Variants in SUGCT observed in about 807,000 individuals in gnomAD.
The protein encoded by SUGCT is succinyl-CoA:glutarate CoA-transferase.
A neutral mutation model predicts 55.0 loss-of-function variants in SUGCT; 41 were observed. The ratio of observed to expected loss-of-function variants is 0.74; its 90% CI spans 0.58 to 0.97. The LOEUF (loss-of-function observed/expected upper bound fraction) is 0.97. SUGCT is among the 50% of genes least tolerant of loss of function. The pLI is 0.00. For missense variants in SUGCT, 568 were observed against 547.8 expected (o/e 1.04, Z -0.37); for synonymous variants, 187 against 200.4 (o/e 0.93, Z 0.56).
chr7:40,155,417 A>G (rs1018012413), intron 1 of SUGCT, among the ~76,000 whole-genome samples: 7 of 152,066 alleles, frequency 4.6e-5, no homozygotes, highest in Non-Finnish European at 7.4e-5. Context: ...ATGTGAGCTT[A>G]TGGTGGCTGT....
chr7:40,938,382 TA>T, the SUGCT span, among the ~76,000 whole-genome samples: 1 of 152,176 alleles, frequency 6.6e-6, no homozygotes, highest in South Asian at 2.1e-4. Context: ...TTTGTTTTAT[TA>T]TTTTTTTGAG....
intron 13 of SUGCT, among the ~76,000 whole-genome samples, chr7:40,806,668 A>T (rs1458425157): frequency 6.6e-6 from 1 of 152,150 alleles, no homozygotes; most frequent in African/African-American, 2.4e-5. Context: ...TTGTATTCAG[A>T]GTGACTCTAC....
rs188187561 is a variant in SUGCT at position 40,481,588 on chromosome 7, T to C, written c.987-14696T>C. On this transcript the variant is annotated intron_variant, in intron 11 of 13. Transcript: ENST00000335693. ...TCTAACGTACTTAATATAAAAATCA[T>C]CTACACATTTATAAGAAAATAATAA... Among the ~76,000 whole-genome samples, 725 of 152,108 alleles carry C rather than the reference T, an allele frequency of 4.8e-3. 7 individuals are homozygous for C. Among genetic ancestry groups the C allele is most frequent in the African/African-American group, 0.016 (671 of 41,522 alleles).
At chr7:40,908,153 C>T in the SUGCT span, among the ~76,000 whole-genome samples, 1 of 151,688 alleles carries the variant, frequency 6.6e-6, no homozygotes, top group African/African-American at 2.4e-5. Flanking sequence ...CTGAGGCAGG[C>T]GGATCACGAG....
intron 7 of SUGCT, among the ~76,000 whole-genome samples, chr7:40,271,057 G>A (rs1315387672): frequency 6.6e-6 from 1 of 151,946 alleles, no homozygotes; most frequent in East Asian, 1.9e-4. Flanking sequence ...TTGCAATCTT[G>A]CTTAACTCGA....
At chr7:40,772,609 A>ATCTATCTATCTATCTATCTT (rs1789224111) in intron 13 of SUGCT, among the ~76,000 whole-genome samples, 1 of 149,576 alleles carries the variant, frequency 6.7e-6, no homozygotes, top group African/African-American at 2.5e-5. Flanking sequence ...CTATCTATCT[A>ATCTATCTATCTATCTATCTT]TCTATCTATC....
At chr7:40,531,704 C>T (rs57268522) in intron 12 of SUGCT, among the ~76,000 whole-genome samples, 14,676 of 151,860 alleles carry the variant, frequency 0.097, 768 homozygotes, top group African/African-American at 0.11. Flanking sequence ...ATGGGATTCT[C>T]GCTCTGTCAC....
chr7:41,011,195 G>A, the SUGCT span, among the ~76,000 whole-genome samples: 64 of 152,272 alleles, frequency 4.2e-4, no homozygotes, highest in African/African-American at 1.5e-3. Flanking sequence ...GGAGAGGAAG[G>A]AAGTCCAGCC....
chr7:40,175,214 T>C (rs1209264902), intron 1 of SUGCT, among the ~76,000 whole-genome samples: 1 of 151,936 alleles, frequency 6.6e-6, no homozygotes, highest in Non-Finnish European at 1.5e-5. Flanking sequence ...TTCACTGTAG[T>C]GCGTTTAAAT....
chr7:40,503,733 T>C (rs551973505), intron 12 of SUGCT, among the ~76,000 whole-genome samples: 2 of 152,228 alleles, frequency 1.3e-5, no homozygotes, highest in East Asian at 3.9e-4. Context: ...AGTTAGATTT[T>C]AAGAAAAGGA....
chr7:40,735,991 A>G (rs557389408), intron 12 of SUGCT, among the ~76,000 whole-genome samples: 5 of 151,948 alleles, frequency 3.3e-5, no homozygotes, highest in Admixed American at 6.6e-5. Context: ...TGGATTAAGA[A>G]CAACTGCACA....
chr7:40,554,232 T>C (rs1795446868), intron 12 of SUGCT, among the ~76,000 whole-genome samples: 1 of 152,226 alleles, frequency 6.6e-6, no homozygotes, highest in Non-Finnish European at 1.5e-5. Context: ...TCTGCGCAGA[T>C]GATAACTTTT....
At chr7:40,396,533 G>C (rs940961611) in intron 9 of SUGCT, among the ~76,000 whole-genome samples, 1 of 152,080 alleles carries the variant, frequency 6.6e-6, no homozygotes, top group Non-Finnish European at 1.5e-5. Flanking sequence ...TTTCCTTCTA[G>C]CTTCACTTAT....
chr7:40,255,723 T>C (rs955296837), intron 7 of SUGCT, among the ~76,000 whole-genome samples: 3 of 150,354 alleles, frequency 2.0e-5, no homozygotes, highest in Non-Finnish European at 4.4e-5. Context: ...TTATGATCTG[T>C]AGCTTTGCAT....
intron 9 of SUGCT, among the ~76,000 whole-genome samples, chr7:40,370,159 C>T (rs908702878): frequency 6.6e-6 from 1 of 152,092 alleles, no homozygotes; most frequent in South Asian, 2.1e-4. Flanking sequence ...AATCCATGAC[C>T]GAAGCATAAC....
chr7:40,148,915 G>T (rs1378771363), intron 1 of SUGCT, among the ~76,000 whole-genome samples: 1 of 152,192 alleles, frequency 6.6e-6, no homozygotes, highest in Admixed American at 6.5e-5. Context: ...TCTTCTGAAA[G>T]GGCCTGTTCA....
the SUGCT span, among the ~76,000 whole-genome samples, chr7:40,983,268 GTTTACTGCTACTGAACACATCA>G: frequency 6.6e-6 from 1 of 152,090 alleles, no homozygotes; most frequent in Non-Finnish European, 1.5e-5. Flanking sequence ...CCCCATGCTT[GTTTACTGCTACTGAACACATCA>G]TTCCCTTGCT....
At chr7:40,963,187 TG>T in the SUGCT span, among the ~76,000 whole-genome samples, 43 of 152,074 alleles carry the variant, frequency 2.8e-4, no homozygotes, top group East Asian at 3.9e-4. Flanking sequence ...TCAAGAATAT[TG>T]GTTTTTTTTT....
the SUGCT span, among the ~76,000 whole-genome samples, chr7:41,035,501 C>G: frequency 2.0e-5 from 3 of 152,174 alleles, no homozygotes; most frequent in African/African-American, 7.2e-5. Context: ...AAATGTAAGA[C>G]CCATCCCTCT....
Sources: gnomAD v4.1 joint callset for allele counts (sites outside exome capture counted in the v4.1 genomes callset) on GRCh38, gnomAD v4.1.1 for gene constraint, MANE v1.5 for transcripts, NCBI Gene and HGNC (gene_info 2026-07-23, HGNC 2026-07-21) for gene names.